Variants in SLC9C1 observed in about 807,000 individuals in gnomAD.
SLC9C1 encodes sodium/hydrogen exchanger 10.
A neutral mutation model predicts 140.9 loss-of-function variants in SLC9C1; 97 were observed. The ratio of observed to expected loss-of-function variants is 0.69; its 90% CI spans 0.58 to 0.82. The LOEUF is 0.82. Among genes scored for constraint, SLC9C1 ranks in the 40% least tolerant of loss-of-function variants. The pLI, the probability that SLC9C1 is intolerant of heterozygous loss-of-function variation, is 0.00. For synonymous variants in SLC9C1, 440 were observed against 442.6 expected (o/e 0.99, Z 0.07); for missense variants, 1,340 against 1,389.3 (o/e 0.96, Z 0.56).
At chr3:112,262,874 C>T in intron 10 of SLC9C1, 50 bp downstream of exon 10, 1 of 1,393,608 alleles carries the variant, frequency 7.2e-7, no homozygotes, top group Non-Finnish European at 9.4e-7. Context: ...TTTAAATACA[C>T]AGTAATAGTT....
At chr3:112,203,830 G>A (rs1358963133) in intron 17 of SLC9C1, among the ~76,000 whole-genome samples, 1 of 151,760 alleles carries the variant, frequency 6.6e-6, no homozygotes, top group East Asian at 1.9e-4. Context: ...TATAAATGTA[G>A]GATATTTTCT....
chr3:112,240,326 T>A (rs115066378), intron 11 of SLC9C1, among the ~76,000 whole-genome samples: 1 of 152,232 alleles, frequency 6.6e-6, no homozygotes, highest in East Asian at 1.9e-4. Flanking sequence ...TTTCCCAGTT[T>A]GATATATGAG....
chr3:112,290,165 A>T (rs1223377228), intron 1 of SLC9C1, among the ~76,000 whole-genome samples: 7 of 152,208 alleles, frequency 4.6e-5, no homozygotes, highest in Admixed American at 4.6e-4. Flanking sequence ...TTATGCCAAG[A>T]CTAAGCATCC....
chr3:112,147,276 C>T (rs1042645014), intron 28 of SLC9C1, among the ~76,000 whole-genome samples: 3 of 152,170 alleles, frequency 2.0e-5, no homozygotes, highest in Admixed American at 1.3e-4. Context: ...GGGGTGTTTA[C>T]ACCATTTACA....
chr3:112,229,326 A>G (rs1278910910), intron 13 of SLC9C1, among the ~76,000 whole-genome samples: 2 of 152,114 alleles, frequency 1.3e-5, no homozygotes, highest in Non-Finnish European at 2.9e-5. Flanking sequence ...AGAAGACAAG[A>G]TTTTGAACAT....
intron 26 of SLC9C1, among the ~76,000 whole-genome samples, chr3:112,160,157 A>G (rs995041257): frequency 1.3e-5 from 2 of 149,596 alleles, no homozygotes; most frequent in Non-Finnish European, 3.0e-5. Flanking sequence ...TTCCTTTCTT[A>G]CTATCTTCCA....
intron 23 of SLC9C1, among the ~76,000 whole-genome samples, chr3:112,178,137 ATTT>A (rs113311369): frequency 7.0e-6 from 1 of 143,246 alleles, no homozygotes. Flanking sequence ...ACCACTACAT[ATTT>A]TTTTTTTTTT....
At chr3:112,203,381 A>G (rs989573154) in intron 17 of SLC9C1, among the ~76,000 whole-genome samples, 1 of 151,990 alleles carries the variant, frequency 6.6e-6, no homozygotes, top group African/African-American at 2.4e-5. Context: ...GGTAAATTGT[A>G]CTCTAGCACT....
intron 7 of SLC9C1, 43 bp downstream of exon 7, chr3:112,269,873 G>C (rs1357725627): frequency 7.0e-7 from 1 of 1,426,116 alleles, no homozygotes; most frequent in Non-Finnish European, 9.2e-7. Context: ...TTATTTTGAA[G>C]TTTTCTATGT....
At chr3:112,212,207 C>T (rs563404703) in intron 15 of SLC9C1, among the ~76,000 whole-genome samples, 9 of 152,226 alleles carry the variant, frequency 5.9e-5, no homozygotes, top group South Asian at 2.1e-4. Context: ...CCCATCTGTA[C>T]GTCACCATCA....
At chr3:112,150,467 G>A (rs2074925305) in intron 28 of SLC9C1, among the ~76,000 whole-genome samples, 1 of 152,038 alleles carries the variant, frequency 6.6e-6, no homozygotes, top group Non-Finnish European at 1.5e-5. Context: ...ATACTGTCAT[G>A]GGAGTGCTGT....
At chr3:112,270,142 C>T in intron 6 of SLC9C1, 65 bp from the exon 7 acceptor site, 9 of 1,413,446 alleles carry the variant, frequency 6.4e-6, no homozygotes, top group Non-Finnish European at 8.4e-6. Flanking sequence ...AATTGATATT[C>T]CTTGTTAATT....
chr3:112,278,732 C>A lies in SLC9C1; in HGVS notation c.315G>T (p.Trp105Cys). 6.3e-7 allele frequency: 1 copy of A among 1,595,676 alleles called. No individual in the cohort carries two copies. ...MDTYMLQKLF[W>C]QILLISIPGF... ...ATTACCAAAAAAGAATGCTTACCTG[C>A]CAAAATAACTTTTGAAGCATGTACG... The change falls in exon 4 of 29, where the codon TGG (tryptophan) becomes TGT (cysteine). Residue 105 changes from tryptophan (W) to cysteine (C), a missense_variant. Coordinates refer to ENST00000305815, the MANE Select transcript of SLC9C1 (RefSeq NM_183061.3).
intron 20 of SLC9C1, among the ~76,000 whole-genome samples, chr3:112,193,341 G>C (rs1291501265): frequency 6.6e-6 from 1 of 152,194 alleles, no homozygotes; most frequent in Non-Finnish European, 1.5e-5. Context: ...GTCTGCCTAG[G>C]ATTGGATGGG....
At chr3:112,164,575 T>C (rs1230365508) in intron 26 of SLC9C1, among the ~76,000 whole-genome samples, 1 of 150,234 alleles carries the variant, frequency 6.7e-6, no homozygotes, top group Non-Finnish European at 1.5e-5. Context: ...GAAAATTCTT[T>C]TCTTTAAGAA....
chr3:112,192,804 A>T (rs1413260033), intron 20 of SLC9C1, among the ~76,000 whole-genome samples: 1 of 152,082 alleles, frequency 6.6e-6, no homozygotes, highest in Non-Finnish European at 1.5e-5. Context: ...CTGTTTTCTT[A>T]ACATGATTAT....
chr3:112,146,860 T>C (rs1211377957), intron 28 of SLC9C1, among the ~76,000 whole-genome samples: 1 of 152,202 alleles, frequency 6.6e-6, no homozygotes, highest in Non-Finnish European at 1.5e-5. Flanking sequence ...CTTTGTTACT[T>C]TTCTGTCTCA....
At chr3:112,263,787 A>G (rs945596288) in intron 9 of SLC9C1, among the ~76,000 whole-genome samples, 2 of 151,888 alleles carry the variant, frequency 1.3e-5, no homozygotes, top group African/African-American at 4.8e-5. Context: ...AACTACAAAA[A>G]TGATTTGAGA....
At chr3:112,151,426 G>A (rs746205741) in intron 28 of SLC9C1, 12 of 518,998 alleles carry the variant, frequency 2.3e-5, no homozygotes, top group South Asian at 1.7e-4. Flanking sequence ...ACTTCAGCTG[G>A]TGTTATCCAC....
Sources: allele counts gnomAD v4.1 joint callset (sites outside exome capture counted in the v4.1 genomes callset), GRCh38; gene constraint gnomAD v4.1.1; transcripts MANE v1.5; gene names NCBI Gene and HGNC (gene_info 2026-07-23, HGNC 2026-07-21).